The following MALRD1 variants were observed in gnomAD, a reference collection of about 807,000 sequenced individuals.
The protein encoded by MALRD1 is MAM and LDL-receptor class A domain-containing protein 1.
A neutral mutation model predicts 242.1 loss-of-function variants in MALRD1; 247 were observed. The observed-to-expected ratio is 1.02, with a 90% CI of 0.92 to 1.13. The LOEUF is 1.13. Ranked by LOEUF, MALRD1 falls within the 50% of genes most tolerant of loss-of-function variation. The probability of loss-of-function intolerance (pLI) is 0.00; values close to 1 mark genes in which losing one functional copy is unlikely to be tolerated. For synonymous variants in MALRD1, 995 were observed against 866.6 expected (o/e 1.15, Z -2.60); for missense variants, 2,989 against 2,533.1 (o/e 1.18, Z -3.86).
At chr10:19,345,297 C>A (rs758315085) in intron 24 of MALRD1, among the ~76,000 whole-genome samples, 2 of 152,104 alleles carry the variant, frequency 1.3e-5, no homozygotes, top group Non-Finnish European at 2.9e-5. Flanking sequence ...ACATTATTTT[C>A]TTGTACAAAT....
intron 2 of MALRD1, among the ~76,000 whole-genome samples, chr10:19,070,086 A>G (rs1564371932): frequency 6.6e-6 from 1 of 152,078 alleles, no homozygotes. Flanking sequence ...CAATCGATCT[A>G]TCTTCAAGTT....
intron 21 of MALRD1, among the ~76,000 whole-genome samples, chr10:19,286,096 T>C (rs1190983239): frequency 1.4e-4 from 18 of 127,632 alleles, no homozygotes; most frequent in Non-Finnish European, 2.8e-4. Context: ...TTTTTGTACA[T>C]TGATTTTGTA....
At chr10:19,575,905 A>G (rs916594077) in intron 33 of MALRD1, among the ~76,000 whole-genome samples, 1 of 152,196 alleles carries the variant, frequency 6.6e-6, no homozygotes, top group African/African-American at 2.4e-5. Flanking sequence ...TACAACTCCC[A>G]AATTAGTCCT....
chr10:19,350,636 T>A (rs1205281647), intron 25 of MALRD1, among the ~76,000 whole-genome samples: 1 of 152,178 alleles, frequency 6.6e-6, no homozygotes, highest in Non-Finnish European at 1.5e-5. Flanking sequence ...CGTCACCAGA[T>A]GTTCCCCTTG....
intron 38 of MALRD1, among the ~76,000 whole-genome samples, chr10:19,715,595 G>A (rs568278207): frequency 6.6e-6 from 1 of 151,594 alleles, no homozygotes; most frequent in Middle Eastern, 3.2e-3. Context: ...CCAGTGCTTA[G>A]TAGAACAAAG....
At chr10:19,216,409 C>G (rs1332511918) in intron 18 of MALRD1, among the ~76,000 whole-genome samples, 7 of 151,942 alleles carry the variant, frequency 4.6e-5, no homozygotes, top group African/African-American at 9.7e-5. Context: ...GCCACTATAC[C>G]TAGCTTTCTA....
chr10:19,147,359 C>T (rs902374316), intron 11 of MALRD1, among the ~76,000 whole-genome samples: 9 of 152,130 alleles, frequency 5.9e-5, no homozygotes, highest in African/African-American at 2.2e-4. Context: ...AAAATTCAAC[C>T]ATCCATCTGT....
rs1182573830 is a variant in MALRD1, at chr10:19,205,271, TTC to T, written c.2578+8_2578+9del. 5 of 1,530,370 alleles carry T rather than the reference TTC, an allele frequency of 3.3e-6. No homozygotes were observed. In the South Asian group the frequency reaches 4.9e-5, roughly 15 times the overall value. 94.8% of individuals were successfully genotyped at this position (1,530,370 alleles called of 1,614,324 possible). Reference sequence around the variant, plus strand: ...TACTGATGAAGTCAACTGTGGTAAGTTCTTTTTGGTTGGGGGATTCTCTTTCT... The same window carrying T: ...TACTGATGAAGTCAACTGTGGTAAGTTTTTTGGTTGGGGGATTCTCTTTCT... On this transcript the variant is annotated splice_region_variant and intron_variant, in intron 17 of 39. Transcript: ENST00000454679.
intron 31 of MALRD1, among the ~76,000 whole-genome samples, chr10:19,508,339 T>G (rs1162528608): frequency 6.6e-6 from 1 of 152,152 alleles, no homozygotes; most frequent in African/African-American, 2.4e-5. Context: ...AGTCAGAAAC[T>G]GTGAAAAAAA....
rs16918329 is a variant in MALRD1, at chr10:19,185,777, T to C, written c.1951+10449T>C. 8.5e-3 allele frequency among the ~76,000 whole-genome samples: 1,291 copies of C among 151,416 alleles called. 14 individuals carry two copies. The highest frequency in any genetic ancestry group is 0.03 in the African/African-American group (1,225 of 41,294). On this transcript the variant is annotated intron_variant, in intron 14 of 39. Transcript: ENST00000454679. ...AAATGCATTAAGAGAAGGCTTGAAT[T>C]TCCTATAGCAACTCTCTGCTCTATA... is the stretch of plus-strand genomic sequence containing the variant.
intron 34 of MALRD1, among the ~76,000 whole-genome samples, chr10:19,607,340 C>T (rs1838687147): frequency 6.6e-6 from 1 of 152,122 alleles, no homozygotes; most frequent in African/African-American, 2.4e-5. Context: ...TTTGGTGTCT[C>T]CTAAGGCCTC....
At chr10:19,105,387 T>C (rs1037292049) in intron 5 of MALRD1, among the ~76,000 whole-genome samples, 5 of 152,062 alleles carry the variant, frequency 3.3e-5, no homozygotes, top group Admixed American at 1.3e-4. Flanking sequence ...GCATGTATGT[T>C]ACCACATTTT....
At position 19,231,555 on chromosome 10, in the gene MALRD1, T is replaced by G. The variant is rs140777681; in HGVS notation, c.2991+21875T>G. Among the ~76,000 whole-genome samples, 1,332 of 152,244 alleles carry G rather than the reference T, an allele frequency of 8.7e-3. 25 individuals are homozygous for G. Among genetic ancestry groups the G allele is most frequent in the African/African-American group, 0.031 (1,269 of 41,532 alleles). ...TCATAGGGGCGGTTTCCCCCTGCTG[T>G]TCTCGTGGTAGTGAATAAGTCTCAT... On this transcript the variant is annotated intron_variant, in intron 18 of 39. Transcript: ENST00000454679.
At chr10:19,195,506 T>C (rs1836196156) in intron 14 of MALRD1, among the ~76,000 whole-genome samples, 1 of 152,132 alleles carries the variant, frequency 6.6e-6, no homozygotes, top group Non-Finnish European at 1.5e-5. Context: ...CAGACTCAGA[T>C]CTAACTCTCT....
intron 32 of MALRD1, among the ~76,000 whole-genome samples, chr10:19,556,191 C>A (rs1475758777): frequency 2.0e-5 from 3 of 152,082 alleles, no homozygotes; most frequent in African/African-American, 7.2e-5. Flanking sequence ...ATAATATAAT[C>A]CCTCTCAACT....
rs1838703902 is a variant in MALRD1, at chr10:19,607,713, G to C, written c.5945-64G>C. 2.0e-6 allele frequency: 3 copies of C among 1,507,714 alleles called. No individual in the cohort carries two copies. The Admixed American group carries it at 6.5e-5, about 33-fold the overall frequency. The allele number at this position is 1,507,714 out of a possible 1,614,324, so 93.4% of individuals were successfully genotyped here. A position where few individuals can be genotyped will look rare whatever the true frequency, so the allele number is the denominator to read the frequency against. On this transcript the variant is annotated intron_variant, in intron 34 of 39. Transcript: ENST00000454679. ...ACTGTTTTATGTTATTTTGTTGTGA[G>C]AATTCATTGGGACAAAAAAAAATCA...
At chr10:19,213,524 G>A (rs146135547) in intron 18 of MALRD1, among the ~76,000 whole-genome samples, 7 of 152,194 alleles carry the variant, frequency 4.6e-5, no homozygotes, top group East Asian at 3.9e-4. Context: ...GAGCCACTGC[G>A]CCCAGCCTCC....
At chr10:19,687,910 A>AATGTTATGTTATGTTATGTTATGTT (rs55753738) in intron 36 of MALRD1, among the ~76,000 whole-genome samples, 2 of 137,298 alleles carry the variant, frequency 1.5e-5, no homozygotes, top group Non-Finnish European at 3.1e-5. Flanking sequence ...TTATTTTTTT[A>AATGTTATGTTATGTTATGTTATGTT]ATGTTATGTT....
At chr10:19,052,082 A>C (rs1223808892) in intron 1 of MALRD1, 2 of 434,708 alleles carry the variant, frequency 4.6e-6, no homozygotes, top group African/African-American at 4.2e-5. Flanking sequence ...TGGATTCAAG[A>C]GCCATGTCAG....
Sources: gnomAD v4.1 joint callset for allele counts (sites outside exome capture counted in the v4.1 genomes callset) on GRCh38, gnomAD v4.1.1 for gene constraint, MANE v1.5 for transcripts, NCBI Gene and HGNC (gene_info 2026-07-23, HGNC 2026-07-21) for gene names.